Variants in NEK1 observed in about 807,000 individuals in gnomAD.
NEK1 encodes serine/threonine-protein kinase Nek1.
In NEK1, 137 loss-of-function variants were observed where a neutral mutation model predicts 182.1. That is an observed-to-expected ratio of 0.75 (90% CI 0.65 to 0.87). NEK1 has a LOEUF of 0.87. NEK1 is among the 40% of genes least tolerant of loss of function. NEK1 has a pLI of 0.00. For synonymous variants in NEK1, 513 were observed against 492.2 expected, an observed-to-expected ratio of 1.04 and a Z score of -0.56; for missense variants, 1,391 against 1,494.4, an observed-to-expected ratio of 0.93 and a Z score of 1.14.
intron 10 of NEK1, among the ~76,000 whole-genome samples, chr4:169,584,887 T>TTA (rs1470059105): frequency 6.6e-6 from 1 of 151,858 alleles, no homozygotes; most frequent in Non-Finnish European, 1.5e-5. Flanking sequence ...AAGAAAACAG[T>TTA]TATATAAGAA....
intron 2 of NEK1, among the ~76,000 whole-genome samples, chr4:169,605,185 T>C (rs1032586153): frequency 2.6e-5 from 4 of 152,224 alleles, no homozygotes; most frequent in Admixed American, 2.6e-4. Flanking sequence ...TGGCCATTCC[T>C]TAAAATTAAG....
chr4:169,444,739 T>C (rs1164401090), intron 27 of NEK1, among the ~76,000 whole-genome samples: 1 of 152,186 alleles, frequency 6.6e-6, no homozygotes, highest in Non-Finnish European at 1.5e-5. Flanking sequence ...TAAACTGCAC[T>C]TTAGACCAAA....
chr4:169,495,773 G>A (rs1751129875), intron 23 of NEK1, among the ~76,000 whole-genome samples: 1 of 152,108 alleles, frequency 6.6e-6, no homozygotes, highest in South Asian at 2.1e-4. Context: ...CCTCTGCTTT[G>A]GTACCAGTAC....
At chr4:169,573,736 T>C (rs1334033059) in intron 12 of NEK1, among the ~76,000 whole-genome samples, 1 of 152,188 alleles carries the variant, frequency 6.6e-6, no homozygotes, top group Non-Finnish European at 1.5e-5. Context: ...GAAGTGGTGA[T>C]CAGGGAACGG....
intron 2 of NEK1, among the ~76,000 whole-genome samples, chr4:169,610,341 CCTCA>C (rs1273682409): frequency 1.3e-5 from 2 of 151,378 alleles, no homozygotes; most frequent in African/African-American, 4.9e-5. Flanking sequence ...TTGAGACAAG[CCTCA>C]CTCAGTCGCC....
chr4:169,494,961 TTTGAG>T (rs1750886229), intron 23 of NEK1, among the ~76,000 whole-genome samples: 1 of 152,178 alleles, frequency 6.6e-6, no homozygotes, highest in South Asian at 2.1e-4. Flanking sequence ...TTCTTGTAAA[TTTGAG>T]TTCATTGTAG....
intron 27 of NEK1, among the ~76,000 whole-genome samples, chr4:169,443,711 T>A (rs1027233427): frequency 1.3e-4 from 19 of 151,728 alleles, no homozygotes; most frequent in Admixed American, 6.6e-4. Context: ...CCCAAAAAGA[T>A]CTTCCCAAGG....
At chr4:169,479,628 T>G (rs1747622576) in intron 23 of NEK1, 94 bp from the exon 24 acceptor site, 2 of 1,016,486 alleles carry the variant, frequency 2.0e-6, no homozygotes, top group Non-Finnish European at 1.4e-6. Context: ...ATCCACTCTA[T>G]CCACAAGTAG....
intron 23 of NEK1, among the ~76,000 whole-genome samples, chr4:169,490,241 G>C (rs1749810176): frequency 6.6e-6 from 1 of 152,092 alleles, no homozygotes; most frequent in African/African-American, 2.4e-5. Context: ...TGGAACCAGA[G>C]GCAGAACCTC....
intron 23 of NEK1, among the ~76,000 whole-genome samples, chr4:169,483,644 A>G (rs1445553205): frequency 6.6e-6 from 1 of 152,142 alleles, no homozygotes; most frequent in African/African-American, 2.4e-5. Flanking sequence ...AGGCGGGTGG[A>G]TCACAAGGTC....
At chr4:169,481,096 C>A (rs1014618925) in intron 23 of NEK1, among the ~76,000 whole-genome samples, 5 of 152,224 alleles carry the variant, frequency 3.3e-5, no homozygotes, top group African/African-American at 7.2e-5. Flanking sequence ...CCATAAGAAG[C>A]AATTCCTCAT....
At position 169,505,336 on chromosome 4, in the gene NEK1, C is replaced by T. The variant is rs80112953; in HGVS notation, c.2007+1701G>A. 8.9e-3 allele frequency among the ~76,000 whole-genome samples: 1,350 copies of T among 152,114 alleles called. 24 individuals are homozygous for T. Among genetic ancestry groups the T allele is most frequent in the African/African-American group, 0.031 (1,268 of 41,508 alleles). ...ACCAACCCTCTTACTCCTCCTTCCT[C>T]AGCCTACTCCACCTGAAGATGAGCA... On this transcript the variant is annotated intron_variant, in intron 23 of 35. Transcript: ENST00000507142.
In NEK1 at chr4:169,400,554, A is replaced by G. The variant is rs748302495; in HGVS notation, c.3681T>C (p.Phe1227=). Residue 1227 remains phenylalanine, a synonymous_variant, in exon 34 of 36, where the codon TTT becomes TTC. Coordinates refer to ENST00000507142, the MANE Select transcript of NEK1 (RefSeq NM_001199397.3). ...TCTCATAAACCTCAAAGAATTTTTC[A>G]AAGCCCATTTCCTGCTCCAGATGAA... ...LRLHLEQEMG[F]EKFFEVYEKI... is the part of the protein sequence containing the mutation. The G allele has an allele frequency of 6.2e-7, 1 of 1,605,354 alleles. No homozygotes were observed. The highest frequency in any genetic ancestry group is 1.7e-5 in the Admixed American group (1 of 58,348).
rs750123713 is a variant in NEK1 at position 169,602,622 on chromosome 4, C to T, written c.9G>A (p.Lys3=). 8 of 1,577,422 alleles carry T rather than the reference C, an allele frequency of 5.1e-6. No individual in the cohort carries two copies. The South Asian group carries it at 6.7e-5, about 13-fold the overall frequency. Reference sequence around the variant, plus strand: ...CTCCAATCTTCTGTAGTCTAACATACTTCTCCATGATTCTTTTTCTAAGGC... The same window carrying T: ...CTCCAATCTTCTGTAGTCTAACATATTTCTCCATGATTCTTTTTCTAAGGC... ME[K]YVRLQKIGEG... Residue 3 remains lysine (K), a synonymous_variant, in exon 3 of 36, where the codon AAG becomes AAA. Coordinates refer to ENST00000507142, the MANE Select transcript of NEK1 (RefSeq NM_001199397.3).
intron 29 of NEK1, among the ~76,000 whole-genome samples, chr4:169,428,713 C>T (rs6553437): frequency 0.89 from 135,368 of 152,102 alleles, 60,328 homozygotes; most frequent in Middle Eastern, 0.94. Flanking sequence ...GTGAATTTTA[C>T]GTTATGTGAA....
rs1736040272 is a variant in NEK1, at chr4:169,424,564, T to C, written c.3211A>G (p.Asn1071Asp). 13 of 1,593,202 alleles carry C rather than the reference T, an allele frequency of 8.2e-6. No individual in the cohort carries two copies. Among genetic ancestry groups the C allele is most frequent in the African/African-American group, 1.3e-5 (1 of 74,484 alleles). ...IGLSTGLFDA[N>D]NPKMLRTCSL... ...AGGACCATACTTGCCTTTGGGTTGT[T>C]TGCATCAAACAGACCAGTTGAAAGT... Residue 1071 changes from asparagine (N) to aspartate (D), a missense_variant, in exon 31 of 36, where the codon AAC (asparagine) becomes GAC (aspartate). Asn to Asp is a conservative substitution (Grantham distance 23, BLOSUM62 1). This residue lies in a region of NEK1 where 1,216 missense variants were observed against 1,277.6 expected (regional missense o/e 0.95). Coordinates refer to ENST00000507142, the MANE Select transcript of NEK1 (RefSeq NM_001199397.3).
intron 26 of NEK1, among the ~76,000 whole-genome samples, chr4:169,465,312 C>T (rs1744717496): frequency 6.6e-6 from 1 of 151,992 alleles, no homozygotes; most frequent in Non-Finnish European, 1.5e-5. Flanking sequence ...AAGAGAAACC[C>T]TCCTGTCCCC....
At chr4:169,560,108 A>G (rs904562163) in intron 16 of NEK1, among the ~76,000 whole-genome samples, 2 of 152,370 alleles carry the variant, frequency 1.3e-5, no homozygotes, top group African/African-American at 4.8e-5. Flanking sequence ...CAAATTTAGT[A>G]GCTTAAAACA....
rs17054967 is a variant in NEK1, at chr4:169,476,705, C to T, written c.2434+419G>A. ...AAATATAGATTCTCAGTAATTATCACCGAATATATAAATCATTAAGTCAGA... is the reference window on the plus strand; with the variant it reads ...AAATATAGATTCTCAGTAATTATCATCGAATATATAAATCATTAAGTCAGA... On this transcript the variant is annotated intron_variant, in intron 26 of 35. Coordinates refer to ENST00000507142, the MANE Select transcript of NEK1 (RefSeq NM_001199397.3). Among the ~76,000 whole-genome samples, 1,397 of 152,166 alleles carry T rather than the reference C, an allele frequency of 9.2e-3. 25 individuals carry two copies. Among genetic ancestry groups the T allele is most frequent in the African/African-American group, 0.032 (1,316 of 41,544 alleles).
Sources: allele counts gnomAD v4.1 joint callset (sites outside exome capture counted in the v4.1 genomes callset), GRCh38; gene constraint gnomAD v4.1.1; regional missense constraint gnomAD v4.1.1; transcripts MANE v1.5; gene names NCBI Gene and HGNC (gene_info 2026-07-23, HGNC 2026-07-21).